TMEM108: variants seen among roughly 807,000 people sequenced by gnomAD.
The protein encoded by TMEM108 is transmembrane protein 108, also known as cancer/testis antigen 124.
Under a neutral mutation model 35.1 loss-of-function variants are expected in TMEM108, and 12 were observed. That is an observed-to-expected ratio of 0.34 (90% CI 0.22 to 0.55). The LOEUF is 0.55. Among genes scored for constraint, TMEM108 ranks in the 20% least tolerant of loss-of-function variants. The pLI is 0.89. For missense variants in TMEM108, 680 were observed against 753.3 expected, an observed-to-expected ratio of 0.90 and a Z score of 1.14; for synonymous variants, 287 against 308.6, an observed-to-expected ratio of 0.93 and a Z score of 0.73.
At chr3:133,367,948 C>T (rs2072547988) in intron 3 of TMEM108, among the ~76,000 whole-genome samples, 2 of 152,196 alleles carry the variant, frequency 1.3e-5, no homozygotes, top group Admixed American at 6.5e-5. Flanking sequence ...AAGTGATTCT[C>T]AGGCATGATC....
intron 3 of TMEM108, chr3:133,378,457 A>G: frequency 1.0e-6 from 1 of 985,460 alleles, no homozygotes; most frequent in Non-Finnish European, 1.2e-6. Flanking sequence ...TTAGACGCAG[A>G]CAGAGATCTC....
intron 3 of TMEM108, among the ~76,000 whole-genome samples, chr3:133,267,483 C>A (rs1056100331): frequency 6.6e-6 from 1 of 152,134 alleles, no homozygotes; most frequent in African/African-American, 2.4e-5. Flanking sequence ...AGAAGAAGGG[C>A]CAGCACTATG....
intron 2 of TMEM108, among the ~76,000 whole-genome samples, chr3:133,221,168 A>G (rs1176219940): frequency 2.0e-5 from 3 of 152,134 alleles, no homozygotes; most frequent in East Asian, 1.9e-4. Flanking sequence ...AATTAACTCA[A>G]TTTGTAGCTC....
intron 2 of TMEM108, among the ~76,000 whole-genome samples, chr3:133,096,787 T>A (rs895596245): frequency 1.3e-5 from 2 of 152,236 alleles, no homozygotes; most frequent in African/African-American, 4.8e-5. Context: ...ATCTAAATAA[T>A]TTGGTATAAT....
chr3:133,214,032 T>G (rs1296198633), intron 2 of TMEM108, among the ~76,000 whole-genome samples: 7 of 152,160 alleles, frequency 4.6e-5, no homozygotes, highest in Non-Finnish European at 7.4e-5. Context: ...GAATCACAAT[T>G]AACAGAGACA....
intron 2 of TMEM108, among the ~76,000 whole-genome samples, chr3:133,056,339 A>G (rs1186205851): frequency 1.3e-5 from 2 of 152,166 alleles, no homozygotes; most frequent in Non-Finnish European, 2.9e-5. Context: ...GGTAGCATTG[A>G]TAGACTTTGA....
At chr3:133,335,785 G>C (rs1036731530) in intron 3 of TMEM108, among the ~76,000 whole-genome samples, 1 of 152,096 alleles carries the variant, frequency 6.6e-6, no homozygotes. Flanking sequence ...CCTTCATATC[G>C]CTGAAAGAGT....
At chr3:133,061,958 A>G (rs1383767119) in intron 2 of TMEM108, among the ~76,000 whole-genome samples, 16 of 152,210 alleles carry the variant, frequency 1.1e-4, no homozygotes. Context: ...GAGTGTTGCT[A>G]CCAGTTGGGG....
chr3:133,178,733 C>G lies in TMEM108; in HGVS notation c.-46-50533C>G, dbSNP rs1320589464. ...AGAAGAAAACCTAGGCAATACCATT[C>G]AAGACATAGGCATGGGCAAGGACTT... On this transcript the variant is annotated intron_variant, in intron 2 of 5. Coordinates refer to ENST00000321871, the MANE Select transcript of TMEM108 (RefSeq NM_023943.4). Among the ~76,000 whole-genome samples, 2 of 152,186 alleles carry G rather than the reference C, an allele frequency of 1.3e-5. 1 individual carries two copies. The highest frequency in any genetic ancestry group is 4.1e-4 in the South Asian group (2 of 4,828).
chr3:133,121,843 A>G (rs1383652508), intron 2 of TMEM108, among the ~76,000 whole-genome samples: 1 of 152,106 alleles, frequency 6.6e-6, no homozygotes, highest in Non-Finnish European at 1.5e-5. Context: ...GAAGCTGGGG[A>G]TATGTGGAAA....
chr3:133,388,992 T>G, intron 4 of TMEM108: 1 of 985,702 alleles, frequency 1.0e-6, no homozygotes, highest in Admixed American at 6.1e-5. Flanking sequence ...ACCACCAGGA[T>G]GTCAGATGTG....
intron 3 of TMEM108, among the ~76,000 whole-genome samples, chr3:133,297,828 T>G (rs1397168464): frequency 6.6e-6 from 1 of 152,212 alleles, no homozygotes; most frequent in Non-Finnish European, 1.5e-5. Flanking sequence ...AGGCGAAAGC[T>G]GATAAGATAC....
chr3:133,299,297 T>C (rs186049970), intron 3 of TMEM108, among the ~76,000 whole-genome samples: 1 of 152,322 alleles, frequency 6.6e-6, no homozygotes, highest in Non-Finnish European at 1.5e-5. Flanking sequence ...TAGTGGCAGA[T>C]AGATTAACCA....
intron 2 of TMEM108, among the ~76,000 whole-genome samples, chr3:133,050,723 T>G (rs1943394698): frequency 1.3e-5 from 2 of 151,490 alleles, no homozygotes; most frequent in African/African-American, 4.9e-5. Context: ...TTTTTTTTAC[T>G]ATCTCCATAG....
At chr3:133,265,813 C>A (rs1419081132) in intron 3 of TMEM108, among the ~76,000 whole-genome samples, 1 of 152,220 alleles carries the variant, frequency 6.6e-6, no homozygotes, top group Non-Finnish European at 1.5e-5. Flanking sequence ...AATACCTTCA[C>A]CAACCTAAAA....
At chr3:133,198,177 G>A (rs187302800) in intron 2 of TMEM108, among the ~76,000 whole-genome samples, 68 of 152,256 alleles carry the variant, frequency 4.5e-4, no homozygotes, top group African/African-American at 1.5e-3. Flanking sequence ...AAGAATTTTC[G>A]TATAACTTGT....
chr3:133,091,948 T>C (rs1187442377), intron 2 of TMEM108, among the ~76,000 whole-genome samples: 1 of 152,210 alleles, frequency 6.6e-6, no homozygotes, highest in Non-Finnish European at 1.5e-5. Flanking sequence ...ACGCATTATT[T>C]GGTATCTACT....
chr3:133,108,892 C>A (rs1036817254), intron 2 of TMEM108, among the ~76,000 whole-genome samples: 1 of 151,232 alleles, frequency 6.6e-6, no homozygotes, highest in Admixed American at 6.6e-5. Flanking sequence ...TGCTAAATGA[C>A]GAGTTAATGG....
chr3:133,189,677 G>A (rs1013940992), intron 2 of TMEM108, among the ~76,000 whole-genome samples: 2 of 152,114 alleles, frequency 1.3e-5, no homozygotes, highest in Non-Finnish European at 1.5e-5. Flanking sequence ...AAAGAGATTG[G>A]TTTATGCCCC....
Sources: gnomAD v4.1 joint callset for allele counts (sites outside exome capture counted in the v4.1 genomes callset) on GRCh38, gnomAD v4.1.1 for gene constraint, MANE v1.5 for transcripts, NCBI Gene and HGNC (gene_info 2026-07-23, HGNC 2026-07-21) for gene names.